RB1CC1: variants seen among roughly 807,000 people sequenced by gnomAD.
The protein encoded by RB1CC1 is RB1 inducible coiled-coil 1.
RB1CC1 carries 46 observed loss-of-function variants against 177.5 expected under a neutral mutation model. The ratio of observed to expected loss-of-function variants is 0.26; its 90% CI spans 0.20 to 0.33. The LOEUF is 0.33. RB1CC1 is among the 10% of genes least tolerant of loss of function. The pLI is 1.00. For missense variants in RB1CC1, 1,703 were observed against 1,816.3 expected, an observed-to-expected ratio of 0.94 and a Z score of 1.13; for synonymous variants, 666 against 613.6, an observed-to-expected ratio of 1.09 and a Z score of -1.26.
rs1853632267 is a variant in RB1CC1 at position 52,680,862 on chromosome 8, G to C, written c.369+2687C>G. ...AAAGAGACCAAGTAATGTTGGTTTA[G>C]AAGTCAAGATACTGGTTAGCATTAA... On this transcript the variant is annotated intron_variant, in intron 5 of 23. Coordinates refer to ENST00000025008, the MANE Select transcript of RB1CC1 (RefSeq NM_014781.5). 3.3e-5 allele frequency among the ~76,000 whole-genome samples: 5 copies of C among 152,278 alleles called. No homozygotes were observed. In the South Asian group the frequency reaches 1.0e-3, roughly 32 times the overall value.
intron 20 of RB1CC1, 34 bp downstream of exon 20, chr8:52,634,887 G>A (rs369121804): frequency 2.5e-4 from 382 of 1,507,602 alleles, no homozygotes; most frequent in Non-Finnish European, 3.3e-4. Flanking sequence ...ATTTAAAAAT[G>A]TTAAGACCAA....
chr8:52,651,171 G>A (rs1166694568), intron 15 of RB1CC1, among the ~76,000 whole-genome samples: 3 of 152,162 alleles, frequency 2.0e-5, no homozygotes, highest in African/African-American at 4.8e-5. Flanking sequence ...TTATTTATAC[G>A]GGTGTAATGA....
At chr8:52,712,197 C>T (rs769527799) in intron 1 of RB1CC1, among the ~76,000 whole-genome samples, 6 of 152,124 alleles carry the variant, frequency 3.9e-5, no homozygotes, top group Non-Finnish European at 8.8e-5. Flanking sequence ...AAAAGTGTAA[C>T]TGGAGTCAGA....
At chr8:52,646,637 C>T (rs1049182405) in intron 15 of RB1CC1, among the ~76,000 whole-genome samples, 6 of 152,114 alleles carry the variant, frequency 3.9e-5, no homozygotes, top group South Asian at 2.1e-4. Context: ...AGCGCTTACA[C>T]GAACAAATCT....
rs772467090 is a variant in RB1CC1 at position 52,656,384 on chromosome 8, T to C, written c.3445A>G (p.Asn1149Asp). ...ELISRHEEES[N>D]ILKAELNKVT... ...TTGTTTAATTCAGCTTTAAGTATAT[T>C]AGATTCTTCTTCATGTCTACTAATT... The change falls in exon 15 of 24, where the codon AAT becomes GAT. Residue 1149 changes from asparagine to aspartate, a missense_variant. By Grantham distance (23) the Asn-to-Asp change is conservative. Around this residue, in one of 6 missense-constraint regions of RB1CC1, gnomAD observed 1,169 missense variants for 1,184.7 expected, o/e 0.99. Transcript: ENST00000025008. 1.2e-6 allele frequency: 2 copies of C among 1,610,772 alleles called. No individual in the cohort carries two copies. The highest frequency in any genetic ancestry group is 4.5e-5 in the East Asian group (2 of 44,808).
intron 15 of RB1CC1, among the ~76,000 whole-genome samples, chr8:52,648,770 G>A (rs553427822): frequency 6.6e-4 from 101 of 152,198 alleles, no homozygotes; most frequent in Non-Finnish European, 1.3e-3. Context: ...GGGTCTTACT[G>A]TAGATCTTTG....
chr8:52,644,802 T>C (rs1164705094), intron 16 of RB1CC1, among the ~76,000 whole-genome samples: 8 of 152,210 alleles, frequency 5.3e-5, no homozygotes. Context: ...ATCATAACAT[T>C]TTAGGAAAAG....
intron 15 of RB1CC1, among the ~76,000 whole-genome samples, chr8:52,650,504 C>T (rs1850473531): frequency 6.6e-6 from 1 of 152,176 alleles, no homozygotes; most frequent in Non-Finnish European, 1.5e-5. Context: ...ATCTCTTGGC[C>T]TTCACCAGAT....
intron 1 of RB1CC1, among the ~76,000 whole-genome samples, chr8:52,706,381 T>C (rs1856550554): frequency 6.7e-6 from 1 of 148,904 alleles, no homozygotes; most frequent in Non-Finnish European, 1.5e-5. Context: ...TTTTTTGAGA[T>C]GGACTTTCAC....
intron 1 of RB1CC1, among the ~76,000 whole-genome samples, chr8:52,700,799 A>G (rs1855978034): frequency 6.6e-6 from 1 of 152,210 alleles, no homozygotes; most frequent in African/African-American, 2.4e-5. Flanking sequence ...ATACACAAAA[A>G]CAAATTGCAC....
chr8:52,714,008 G>T, intron 1 of RB1CC1, 67 bp downstream of exon 1: 1 of 318,450 alleles, frequency 3.1e-6, no homozygotes, highest in Non-Finnish European at 6.3e-6. Context: ...GGCCCACCGT[G>T]CCAGGGCCCG....
chr8:52,653,053 G>A (rs555730552), intron 15 of RB1CC1, among the ~76,000 whole-genome samples: 115 of 152,048 alleles, frequency 7.6e-4, no homozygotes, highest in African/African-American at 2.6e-3. Context: ...GCGAAACTCC[G>A]TCTCAAAAAA....
intron 5 of RB1CC1, among the ~76,000 whole-genome samples, chr8:52,680,477 T>G (rs1853592817): frequency 6.6e-6 from 1 of 152,192 alleles, no homozygotes; most frequent in Non-Finnish European, 1.5e-5. Context: ...AGATGAAATC[T>G]GAAAGAACTA....
chr8:52,652,459 C>CAAA (rs35615959), intron 15 of RB1CC1, among the ~76,000 whole-genome samples: 2 of 92,684 alleles, frequency 2.2e-5, no homozygotes, highest in Admixed American at 1.1e-4. Flanking sequence ...GACTCTGTCT[C>CAAA]AAAAAAAAAA....
chr8:52,657,439 T>A lies in RB1CC1; in HGVS notation c.2390A>T (p.Gln797Leu), dbSNP rs763071620. Reference sequence around the variant, plus strand: ...GGCAACAACTCTACATCTTTCCAACTGGACATTCAGAGAAGTATGATCTCC... The same window carrying A: ...GGCAACAACTCTACATCTTTCCAACAGGACATTCAGAGAAGTATGATCTCC... ...DFGDHTSLNV[Q>L]LERCRVVAQD... Residue 797 changes from glutamine to leucine, a missense_variant, in exon 15 of 24, where the codon CAG becomes CTG. Gln to Leu is a moderately radical substitution (Grantham distance 113, BLOSUM62 -2). Coordinates refer to ENST00000025008, the MANE Select transcript of RB1CC1 (RefSeq NM_014781.5). 9 of 1,613,684 alleles carry A rather than the reference T, an allele frequency of 5.6e-6. No individual in the cohort carries two copies. The highest frequency in any genetic ancestry group is 7.6e-6 in the Non-Finnish European group (9 of 1,180,002).
chr8:52,684,938 G>A (rs1191937236), intron 3 of RB1CC1, among the ~76,000 whole-genome samples: 1 of 149,902 alleles, frequency 6.7e-6, no homozygotes. Flanking sequence ...GTCTTTTAGA[G>A]AAAGATAACA....
rs532100862 is a variant in RB1CC1 at position 52,683,423 on chromosome 8, C to T, written c.369+126G>A. On this transcript the variant is annotated intron_variant, in intron 5 of 23. Coordinates refer to ENST00000025008, the MANE Select transcript of RB1CC1 (RefSeq NM_014781.5). ...AAATTTTAAAACTAGATATATTAAC[C>T]GGAAAATATTTTTAAAGTTTATTTG... is the stretch of plus-strand genomic sequence containing the variant. The T allele has an allele frequency of 1.9e-5, 16 of 853,906 alleles. No homozygotes were observed. The Admixed American group carries it at 4.2e-4, about 23-fold the overall frequency. 52.9% of individuals were successfully genotyped at this position (853,906 alleles called of 1,614,324 possible). A position where few individuals can be genotyped will look rare whatever the true frequency, so the allele number is the denominator to read the frequency against.
intron 8 of RB1CC1, among the ~76,000 whole-genome samples, chr8:52,662,217 A>G (rs1231646018): frequency 1.3e-5 from 2 of 152,084 alleles, no homozygotes; most frequent in African/African-American, 4.8e-5. Context: ...ATTTTGTTCC[A>G]CTGATCTGTG....
intron 3 of RB1CC1, 118 bp from the exon 4 acceptor site, chr8:52,684,131 C>T: frequency 1.7e-6 from 2 of 1,152,806 alleles, no homozygotes; most frequent in Non-Finnish European, 2.3e-6. Flanking sequence ...AAAACCTTCC[C>T]CAAAAACAGT....
Sources: allele counts gnomAD v4.1 joint callset (sites outside exome capture counted in the v4.1 genomes callset), GRCh38; gene constraint gnomAD v4.1.1; regional missense constraint gnomAD v4.1.1; transcripts MANE v1.5; gene names NCBI Gene and HGNC (gene_info 2026-07-23, HGNC 2026-07-21).